The following FLACC1 variants were observed in gnomAD, a reference collection of about 807,000 sequenced individuals.
FLACC1 encodes the protein flagellum-associated coiled-coil domain-containing protein 1.
FLACC1 carries 66 observed loss-of-function variants against 62.8 expected under a neutral mutation model. That is an observed-to-expected ratio of 1.05 (90% CI 0.86 to 1.29). The LOEUF is 1.29. Ranked by LOEUF, FLACC1 falls within the 50% of genes most tolerant of loss-of-function variation. The pLI, the probability that FLACC1 is intolerant of heterozygous loss-of-function variation, is 0.00. For synonymous variants in FLACC1, 156 were observed against 161.0 expected, an observed-to-expected ratio of 0.97 and a Z score of 0.24; for missense variants, 452 against 489.1, an observed-to-expected ratio of 0.92 and a Z score of 0.71.
intron 1 of FLACC1, among the ~76,000 whole-genome samples, chr2:201,356,345 C>G (rs975993151): frequency 6.6e-6 from 1 of 152,030 alleles, no homozygotes; most frequent in Non-Finnish European, 1.5e-5. Flanking sequence ...ATTTTTATAA[C>G]GATGGGGTTT....
chr2:201,329,831 A>C (rs1205555671), intron 9 of FLACC1, among the ~76,000 whole-genome samples: 1 of 152,206 alleles, frequency 6.6e-6, no homozygotes, highest in Non-Finnish European at 1.5e-5. Context: ...CCTCAGCATC[A>C]CACAATAACT....
chr2:201,351,632 C>T (rs1455382208), intron 1 of FLACC1, among the ~76,000 whole-genome samples, 181 bp from the exon 2 acceptor site: 1 of 152,190 alleles, frequency 6.6e-6, no homozygotes, highest in African/African-American at 2.4e-5. Context: ...GTAGACTTGA[C>T]TTGAAAGCAA....
chr2:201,349,790 C>T (rs1289414516), intron 3 of FLACC1, among the ~76,000 whole-genome samples: 2 of 152,172 alleles, frequency 1.3e-5, no homozygotes, highest in African/African-American at 2.4e-5. Context: ...ACGGGAGGGT[C>T]GCCAAGGCTC....
At chr2:201,330,653 C>T (rs1400343172) in intron 8 of FLACC1, 83 bp downstream of exon 8, 2 of 1,549,566 alleles carry the variant, frequency 1.3e-6, no homozygotes, top group Admixed American at 1.8e-5. Flanking sequence ...CTTTGTGTGC[C>T]TTGGAAATCA....
At chr2:201,313,487 T>C (rs1258143778) in intron 9 of FLACC1, among the ~76,000 whole-genome samples, 1 of 152,100 alleles carries the variant, frequency 6.6e-6, no homozygotes, top group African/African-American at 2.4e-5. Flanking sequence ...GAAGTAGCCA[T>C]AATCCTCCTG....
At position 201,346,310 on chromosome 2, in the gene FLACC1, A is replaced by G. The variant is rs539883115; in HGVS notation, c.368+232T>C. Among the ~76,000 whole-genome samples, 16 of 152,316 alleles carry G rather than the reference A, an allele frequency of 1.1e-4. No individual in the cohort carries two copies. Among genetic ancestry groups the G allele is most frequent in the East Asian group, 9.6e-4 (5 of 5,184 alleles). On this transcript the variant is annotated intron_variant, in intron 5 of 14. Transcript: ENST00000392257. This position sits in a 1 kb window ranked among gnomAD's most constrained non-coding sequence, Gnocchi z 4.0. ...TTTGGGATCAATCACATAACTCCCA[A>G]TCTTCATCCTGCCCCTTGGATCTGC...
chr2:201,309,364 GC>G, intron 9 of FLACC1, 114 bp from the exon 10 acceptor site: 1 of 761,950 alleles, frequency 1.3e-6, no homozygotes, highest in Non-Finnish European at 2.3e-6. Flanking sequence ...AGTGGCCAGG[GC>G]CCATCACCAT....
chr2:201,329,151 TA>T, intron 9 of FLACC1, among the ~76,000 whole-genome samples: 1 of 152,244 alleles, frequency 6.6e-6, no homozygotes, highest in East Asian at 1.9e-4. Context: ...TAATAGTGTG[TA>T]AAAAACAAGA....
chr2:201,356,242 C>T (rs1951114711), intron 1 of FLACC1, among the ~76,000 whole-genome samples: 1 of 152,162 alleles, frequency 6.6e-6, no homozygotes, highest in African/African-American at 2.4e-5. Context: ...CTCACTGCAA[C>T]CTCTACCTCC....
intron 9 of FLACC1, among the ~76,000 whole-genome samples, chr2:201,309,849 G>A (rs1315076552): frequency 7.2e-6 from 1 of 139,200 alleles, no homozygotes; most frequent in Non-Finnish European, 1.5e-5. Flanking sequence ...AGAGGTTGCA[G>A]TGAGCCGAGA....
At chr2:201,340,100 C>A (rs1202949228) in intron 7 of FLACC1, among the ~76,000 whole-genome samples, 2 of 152,138 alleles carry the variant, frequency 1.3e-5, no homozygotes, top group African/African-American at 2.4e-5. Context: ...TAATCTCAGA[C>A]CCTGGGAGGA....
In FLACC1 at chr2:201,289,507, T is replaced by C. The variant is rs1311670585; in HGVS notation, c.1092A>G (p.Glu364=). The C allele has an allele frequency of 6.2e-7, 1 of 1,614,246 alleles. No individual in the cohort carries two copies. Among genetic ancestry groups the C allele is most frequent in the Non-Finnish European group, 8.5e-7 (1 of 1,180,048 alleles). ...GGATCTGTATGGTGTGCTTATACTT[T>C]TCTTCAGTTTCAGCAAACTTGGTTT... ...MLQTKFAETE[E]KYKHTIQILT... Residue 364 remains glutamate (E), a synonymous_variant, in exon 14 of 15, where the codon GAA becomes GAG. Coordinates refer to ENST00000392257, the MANE Select transcript of FLACC1 (RefSeq NM_001127391.3).
intron 9 of FLACC1, among the ~76,000 whole-genome samples, chr2:201,312,136 A>G (rs184926410): frequency 4.6e-5 from 7 of 152,366 alleles, no homozygotes; most frequent in African/African-American, 1.7e-4. Flanking sequence ...GAAGAAGTCA[A>G]ATTTTTCTGT....
chr2:201,318,220 T>C (rs1223426029), intron 9 of FLACC1, among the ~76,000 whole-genome samples: 2 of 151,990 alleles, frequency 1.3e-5, no homozygotes, highest in African/African-American at 2.4e-5. Flanking sequence ...CAAAAGCAAA[T>C]GTAATAAAAA....
chr2:201,294,747 T>A (rs1241984816), intron 12 of FLACC1, among the ~76,000 whole-genome samples: 1 of 152,208 alleles, frequency 6.6e-6, no homozygotes, highest in Non-Finnish European at 1.5e-5. Flanking sequence ...TGTTTGCAGA[T>A]GACATGATTG....
intron 9 of FLACC1, among the ~76,000 whole-genome samples, chr2:201,328,832 A>G (rs951763108): frequency 3.9e-5 from 6 of 152,260 alleles, no homozygotes; most frequent in African/African-American, 1.4e-4. Flanking sequence ...AATAAGTTAT[A>G]GAGCCCCAGA....
At chr2:201,344,286 A>G (rs369784411) in intron 5 of FLACC1, 23 bp from the exon 6 acceptor site, 6 of 1,575,582 alleles carry the variant, frequency 3.8e-6, no homozygotes, top group Admixed American at 1.7e-5. Context: ...TAATTCTTCT[A>G]TCATCCACAA....
At chr2:201,317,586 G>C (rs968132087) in intron 9 of FLACC1, among the ~76,000 whole-genome samples, 1 of 152,152 alleles carries the variant, frequency 6.6e-6, no homozygotes, top group South Asian at 2.1e-4. Flanking sequence ...CATGCTCACT[G>C]ATGGGTAGAA....
In FLACC1 at chr2:201,326,554, T is replaced by C. The variant is rs1950504105; in HGVS notation, c.675+3916A>G. 6.6e-6 allele frequency among the ~76,000 whole-genome samples: 1 copy of C among 152,086 alleles called. No individual in the cohort carries two copies. Among genetic ancestry groups the C allele is most frequent in the African/African-American group, 2.4e-5 (1 of 41,422 alleles). On this transcript the variant is annotated intron_variant, in intron 9 of 14. Transcript: ENST00000392257. The surrounding 1 kb of genome is among the most constrained non-coding windows in gnomAD (Gnocchi z 4.1). The stretch of plus-strand genomic sequence containing the variant: ...CCAAGCTGAGAATCAAAAAAAGAAC[T>C]GATACCCTTTTACAACAGCTACAAA...
Sources: gnomAD v4.1 joint callset for allele counts (sites outside exome capture counted in the v4.1 genomes callset) on GRCh38, gnomAD v4.1.1 for gene constraint, Gnocchi (gnomAD v3.1) non-coding constraint, MANE v1.5 for transcripts, NCBI Gene and HGNC (gene_info 2026-07-23, HGNC 2026-07-21) for gene names.